The following C12orf42 variants were observed in gnomAD, a reference collection of about 807,000 sequenced individuals.
C12orf42 encodes uncharacterized protein C12orf42.
C12orf42 carries 25 observed loss-of-function variants against 21.6 expected under a neutral mutation model. That is an observed-to-expected ratio of 1.16 (90% confidence interval 0.84 to 1.62). The LOEUF is 1.62. C12orf42 is among the 40% of genes most tolerant of loss of function. The probability of loss-of-function intolerance (pLI) is 0.00; values close to 1 mark genes in which losing one functional copy is unlikely to be tolerated. For missense variants in C12orf42, 483 were observed against 459.3 expected (o/e 1.05, Z -0.47); for synonymous variants, 174 against 175.0 (o/e 0.99, Z 0.05).
At chr12:103,308,648 C>T (rs12300280) in intron 4 of C12orf42, among the ~76,000 whole-genome samples, 1 of 152,116 alleles carries the variant, frequency 6.6e-6, no homozygotes, top group African/African-American at 2.4e-5. Flanking sequence ...AAATAAAGGG[C>T]AATTTGCAGG....
chr12:103,368,328 CACACACACACA>C (rs2044826019), intron 4 of C12orf42, among the ~76,000 whole-genome samples: 1 of 151,636 alleles, frequency 6.6e-6, no homozygotes, highest in Non-Finnish European at 1.5e-5. Flanking sequence ...CACACACACA[CACACACACACA>C]CACACACATT....
intron 2 of C12orf42, among the ~76,000 whole-genome samples, chr12:103,418,916 T>C (rs753869395): frequency 1.3e-5 from 2 of 151,864 alleles, no homozygotes; most frequent in Non-Finnish European, 2.9e-5. Flanking sequence ...TCTTTCCACA[T>C]GTGCTTCTGG....
At chr12:103,233,593 G>T (rs574177392), downstream of C12orf42, among the ~76,000 whole-genome samples, 41 of 152,242 alleles carry the variant, frequency 2.7e-4, no homozygotes, top group South Asian at 8.3e-3. Flanking sequence ...AATGTAAATG[G>T]TATCGTGTTT....
chr12:103,489,306 G>T (rs942036772), intron 1 of C12orf42, among the ~76,000 whole-genome samples: 6 of 152,192 alleles, frequency 3.9e-5, no homozygotes, highest in African/African-American at 1.4e-4. Context: ...AATGCTGCCT[G>T]ATCCTTTCTC....
At chr12:103,325,181 G>T (rs982296930) in intron 4 of C12orf42, among the ~76,000 whole-genome samples, 9 of 152,190 alleles carry the variant, frequency 5.9e-5, no homozygotes, top group African/African-American at 2.2e-4. Context: ...GGACATAGAA[G>T]AACTGATTAC....
At chr12:103,543,069 G>T in the C12orf42 span, among the ~76,000 whole-genome samples, 1 of 152,172 alleles carries the variant, frequency 6.6e-6, no homozygotes, top group Non-Finnish European at 1.5e-5. Flanking sequence ...AGGATGAGGA[G>T]GTTGTAAAAA....
At chr12:103,108,148 A>G in the C12orf42 span, among the ~76,000 whole-genome samples, 1 of 151,422 alleles carries the variant, frequency 6.6e-6, no homozygotes, top group South Asian at 2.1e-4. Context: ...AAAAGAAAGG[A>G]AAAAATAAAT....
chr12:103,392,137 T>C (rs1220081053), intron 3 of C12orf42, among the ~76,000 whole-genome samples: 1 of 152,218 alleles, frequency 6.6e-6, no homozygotes, highest in Non-Finnish European at 1.5e-5. Flanking sequence ...TGACCATACA[T>C]GTAAGAGTTT....
downstream of C12orf42, chr12:103,301,803 G>T (rs569407944): frequency 2.1e-5 from 6 of 279,802 alleles, no homozygotes; most frequent in African/African-American, 1.1e-4. Flanking sequence ...ACAAAGAGGG[G>T]TCCTCACAAT....
chr12:103,352,213 G>A (rs2043160287), intron 4 of C12orf42, among the ~76,000 whole-genome samples: 2 of 152,156 alleles, frequency 1.3e-5, no homozygotes, highest in African/African-American at 4.8e-5. Context: ...GGAGCTTACT[G>A]GTGAGGGTAG....
intron 10 of C12orf42, among the ~76,000 whole-genome samples, chr12:103,243,218 G>T (rs1057321372): frequency 1.8e-4 from 27 of 151,936 alleles, no homozygotes; most frequent in Middle Eastern, 3.4e-3. Flanking sequence ...TCAGAGATGA[G>T]GTCTCACTAT....
the C12orf42 span, among the ~76,000 whole-genome samples, chr12:103,056,108 T>C: frequency 1.3e-5 from 2 of 152,140 alleles, no homozygotes; most frequent in South Asian, 2.1e-4. Flanking sequence ...TGTCTAGTTG[T>C]TCCATCAATT....
chr12:103,501,236 G>T, the C12orf42 span, among the ~76,000 whole-genome samples: 1 of 152,200 alleles, frequency 6.6e-6, no homozygotes, highest in Admixed American at 6.5e-5. Context: ...CAGTAAACCT[G>T]CTCAGTTGTC....
chr12:103,259,618 A>T (rs575265938), intron 10 of C12orf42, among the ~76,000 whole-genome samples: 2 of 152,262 alleles, frequency 1.3e-5, no homozygotes, highest in African/African-American at 4.8e-5. Flanking sequence ...TTCAGTTTTT[A>T]TATAGGTTTT....
intron 2 of C12orf42, among the ~76,000 whole-genome samples, chr12:103,422,995 T>A (rs1375127012): frequency 6.6e-6 from 1 of 152,242 alleles, no homozygotes; most frequent in African/African-American, 2.4e-5. Context: ...TATATATGTT[T>A]GTCTTTCACA....
At chr12:103,063,075 C>G in the C12orf42 span, among the ~76,000 whole-genome samples, 1 of 152,112 alleles carries the variant, frequency 6.6e-6, no homozygotes, top group Non-Finnish European at 1.5e-5. Context: ...TCATGAGAGG[C>G]AAGAAGTTTG....
chr12:103,552,031 C>A, the C12orf42 span, among the ~76,000 whole-genome samples: 59 of 145,996 alleles, frequency 4.0e-4, no homozygotes, highest in African/African-American at 1.4e-3. Context: ...GATATGTTGA[C>A]CTTTTTTTTT....
the C12orf42 span, among the ~76,000 whole-genome samples, chr12:103,126,521 C>T: frequency 6.7e-4 from 102 of 152,130 alleles, 1 homozygote; most frequent in African/African-American, 2.3e-3. Context: ...AGAGAAGATG[C>T]CCACCATGAG....
downstream of C12orf42, among the ~76,000 whole-genome samples, chr12:103,297,643 C>A (rs1279907595): frequency 2.0e-5 from 3 of 151,860 alleles, no homozygotes; most frequent in Non-Finnish European, 2.9e-5. Context: ...CTGGCAGAGA[C>A]ACAACAAAAA....
Sources: gnomAD v4.1 joint callset for allele counts (sites outside exome capture counted in the v4.1 genomes callset) on GRCh38, gnomAD v4.1.1 for gene constraint, MANE v1.5 for transcripts, NCBI Gene and HGNC (gene_info 2026-07-23, HGNC 2026-07-21) for gene names.